The following UNC13B variants were observed in gnomAD, a reference collection of about 807,000 sequenced individuals.
The protein encoded by UNC13B is protein unc-13 homolog B.
A neutral mutation model predicts 211.0 loss-of-function variants in UNC13B; 144 were observed. The ratio of observed to expected loss-of-function variants is 0.68; its 90% CI spans 0.60 to 0.78. The LOEUF (loss-of-function observed/expected upper bound fraction) is 0.78, where lower values mean the gene tolerates loss of function less well. Among genes scored for constraint, UNC13B ranks in the 30% least tolerant of loss-of-function variants. UNC13B has a pLI of 0.00. For missense variants in UNC13B, 1,777 were observed against 2,002.0 expected (o/e 0.89, Z 2.14); for synonymous variants, 709 against 725.8 (o/e 0.98, Z 0.37).
At position 35,397,662 on chromosome 9, in the gene UNC13B, G is replaced by A; in HGVS notation, c.11704G>A (p.Ala3902Thr). Residue 3902 changes from alanine to threonine, a missense_variant, in exon 30 of 40, where the codon GCA becomes ACA. By Grantham distance (58) the Ala-to-Thr change is moderately conservative. Coordinates refer to ENST00000635942, the MANE Select transcript of UNC13B (RefSeq NM_001371189.2). ...CATCGGGAAGGTGCTGATGCAGTAT[G>A]CAGACATCTTGTCAAAGGACTTCCC... ...KTIGKVLMQY[A>T]DILSKDFPAY... 1 of 1,614,002 alleles carries A rather than the reference G, an allele frequency of 6.2e-7. No homozygotes were observed. The highest frequency in any genetic ancestry group is 8.5e-7 in the Non-Finnish European group (1 of 1,179,980).
chr9:35,166,374 C>G (rs1821039545), intron 1 of UNC13B, among the ~76,000 whole-genome samples: 1 of 151,220 alleles, frequency 6.6e-6, no homozygotes, highest in Non-Finnish European at 1.5e-5. Context: ...AAGTGAGACC[C>G]TGTCTCAAAA....
intron 1 of UNC13B, among the ~76,000 whole-genome samples, chr9:35,202,753 C>G (rs1249526356): frequency 6.7e-6 from 1 of 149,956 alleles, no homozygotes; most frequent in African/African-American, 2.5e-5. Flanking sequence ...CTCTGCCTGT[C>G]AGATGGGTCT....
At chr9:35,348,011 C>T (rs185231902) in intron 11 of UNC13B, among the ~76,000 whole-genome samples, 7 of 152,200 alleles carry the variant, frequency 4.6e-5, no homozygotes, top group East Asian at 1.9e-4. Flanking sequence ...GCGAGATGGG[C>T]GGATCACCTG....
chr9:35,382,888 C>G (rs1363241090), intron 21 of UNC13B, among the ~76,000 whole-genome samples: 1 of 152,088 alleles, frequency 6.6e-6, no homozygotes, highest in Non-Finnish European at 1.5e-5. Context: ...TTGGCTGGTC[C>G]TATAGAGTTA....
chr9:35,197,933 A>T (rs978462696), intron 1 of UNC13B, among the ~76,000 whole-genome samples: 2 of 152,202 alleles, frequency 1.3e-5, no homozygotes, highest in South Asian at 4.1e-4. Flanking sequence ...ATAGTTCTTT[A>T]TAGCAATGTG....
chr9:35,275,062 TG>T (rs375722699), intron 7 of UNC13B, among the ~76,000 whole-genome samples: 44 of 152,302 alleles, frequency 2.9e-4, no homozygotes, highest in African/African-American at 1.0e-3. Context: ...TTCTTTACCT[TG>T]GCTGGATAAA....
At chr9:35,210,361 C>T (rs1397569027) in intron 1 of UNC13B, among the ~76,000 whole-genome samples, 1 of 152,122 alleles carries the variant, frequency 6.6e-6, no homozygotes, top group African/African-American at 2.4e-5. Flanking sequence ...TTCACATACT[C>T]ATTAGCCACA....
chr9:35,379,417 C>G (rs1834668688), intron 17 of UNC13B, among the ~76,000 whole-genome samples: 1 of 151,922 alleles, frequency 6.6e-6, no homozygotes, highest in Non-Finnish European at 1.5e-5. Flanking sequence ...CCACTGTACT[C>G]CAGCCTGGTG....
At chr9:35,398,314 T>C in intron 31 of UNC13B, 26 bp downstream of exon 31, 1 of 1,606,784 alleles carries the variant, frequency 6.2e-7, no homozygotes, top group Non-Finnish European at 8.5e-7. Context: ...TGGGAGTCAC[T>C]GTATTTTCCC....
rs990208709 is a variant in UNC13B at position 35,304,616 on chromosome 9, G to C, written c.5212G>C (p.Gly1738Arg). The C allele has an allele frequency of 2.5e-6, 1 of 398,610 alleles. No individual in the cohort carries two copies. Among genetic ancestry groups the C allele is most frequent in the African/African-American group, 2.1e-5 (1 of 48,554 alleles). The allele number at this position is 398,610 out of a possible 1,614,324, so 24.7% of individuals were successfully genotyped here. A position where few individuals can be genotyped will look rare whatever the true frequency, so the allele number is the denominator to read the frequency against. ...GGTTCATCCTGAAAATATGACTAAA[G>C]GCTCACAACAAGCAGAAGAGACATC... The part of the protein sequence containing the change: ...TLVHPENMTK[G>R]SQQAEETSLV... Residue 1738 changes from glycine to arginine, a missense_variant, in exon 9 of 40, where the codon GGC (glycine) becomes CGC (arginine). Transcript: ENST00000635942.
intron 1 of UNC13B, among the ~76,000 whole-genome samples, chr9:35,185,283 C>T (rs1043876142): frequency 3.9e-5 from 6 of 152,170 alleles, no homozygotes; most frequent in African/African-American, 1.4e-4. Context: ...GGCTAAGATG[C>T]TATGTCAAGT....
chr9:35,203,128 T>C (rs1017980157), intron 1 of UNC13B, among the ~76,000 whole-genome samples: 2 of 152,186 alleles, frequency 1.3e-5, no homozygotes, highest in Non-Finnish European at 2.9e-5. Flanking sequence ...AGTCTGTGTC[T>C]TTTAATTGGA....
At position 35,307,863 on chromosome 9, in the gene UNC13B, G is replaced by T; in HGVS notation, c.8459G>T (p.Ser2820Ile). The change falls in exon 9 of 40, where the codon AGT (serine) becomes ATT (isoleucine). Residue 2820 changes from serine to isoleucine, a missense_variant. Physicochemically the swap from Ser to Ile is moderately radical, Grantham distance 142 (BLOSUM62 -2). Coordinates refer to ENST00000635942, the MANE Select transcript of UNC13B (RefSeq NM_001371189.2). Reference protein sequence around the residue: ...FKKLSTLFEGSSEGKGSVLAS... With the variant: ...FKKLSTLFEGISEGKGSVLAS... ...AAGTTGTCAACTCTATTTGAGGGAA[G>T]TAGTGAGGGGAAAGGGAGTGTATTA... 2.5e-6 allele frequency: 1 copy of T among 399,016 alleles called. No individual in the cohort carries two copies. Among genetic ancestry groups the T allele is most frequent in the South Asian group, 1.3e-4 (1 of 7,856 alleles). The allele number at this position is 399,016 out of a possible 1,614,324, so 24.7% of individuals were successfully genotyped here. A position where few individuals can be genotyped will look rare whatever the true frequency, so the allele number is the denominator to read the frequency against.
At chr9:35,287,741 G>A (rs1409163526) in intron 7 of UNC13B, among the ~76,000 whole-genome samples, 1 of 152,136 alleles carries the variant, frequency 6.6e-6, no homozygotes, top group Non-Finnish European at 1.5e-5. Context: ...TGAGGATACA[G>A]CAAAAGAACA....
At chr9:35,166,883 C>CT (rs904696333) in intron 1 of UNC13B, among the ~76,000 whole-genome samples, 14 of 152,184 alleles carry the variant, frequency 9.2e-5, no homozygotes, top group African/African-American at 2.6e-4. Context: ...CATTCTTCAG[C>CT]TTTTTTTGTT....
At chr9:35,272,149 T>A (rs1435000581) in intron 7 of UNC13B, among the ~76,000 whole-genome samples, 1 of 151,542 alleles carries the variant, frequency 6.6e-6, no homozygotes. Context: ...TGATCTCAGT[T>A]ATCTAAGAAA....
chr9:35,376,627 T>A (rs1284752745), intron 15 of UNC13B, among the ~76,000 whole-genome samples: 1 of 152,052 alleles, frequency 6.6e-6, no homozygotes. Context: ...TTTTGTGGGG[T>A]TCCAGGCCCC....
At chr9:35,378,574 A>G in intron 17 of UNC13B, 138 bp downstream of exon 17, 1 of 1,140,554 alleles carries the variant, frequency 8.8e-7, no homozygotes, top group East Asian at 2.4e-5. Context: ...CTTCGTTCAG[A>G]CATCAGCCAT....
In UNC13B at chr9:35,398,995, A is replaced by C. The variant is rs1363283120; in HGVS notation, c.12035A>C (p.Asp4012Ala). 1.2e-6 allele frequency: 2 copies of C among 1,614,198 alleles called. No homozygotes were observed. Among genetic ancestry groups the C allele is most frequent in the Non-Finnish European group, 1.7e-6 (2 of 1,180,022 alleles). ...DARASAAQDA[D>A]SVLRPLMDFL... Reference sequence around the variant, plus strand: ...AGGGCCTCAGCGGCTCAGGATGCAGATAGCGTACTCCGGCCTCTCATGGAC... The same window carrying C: ...AGGGCCTCAGCGGCTCAGGATGCAGCTAGCGTACTCCGGCCTCTCATGGAC... The change falls in exon 33 of 40, where the codon GAT becomes GCT. Residue 4012 changes from aspartate (D) to alanine (A), a missense_variant. Physicochemically the swap from Asp to Ala is moderately radical, Grantham distance 126. Coordinates refer to ENST00000635942, the MANE Select transcript of UNC13B (RefSeq NM_001371189.2).
Sources: gnomAD v4.1 joint callset for allele counts (sites outside exome capture counted in the v4.1 genomes callset) on GRCh38, gnomAD v4.1.1 for gene constraint, MANE v1.5 for transcripts, NCBI Gene and HGNC (gene_info 2026-07-23, HGNC 2026-07-21) for gene names.